Variants in SMO observed in about 807,000 individuals in gnomAD.
SMO encodes protein smoothened.
Under a neutral mutation model 81.6 loss-of-function variants are expected in SMO, and 40 were observed. The observed-to-expected ratio is 0.49, with a 90% CI of 0.38 to 0.64. SMO has a LOEUF of 0.64. SMO is among the 30% of genes least tolerant of loss of function. The probability of loss-of-function intolerance (pLI) is 0.00; values close to 1 mark genes in which losing one functional copy is unlikely to be tolerated. For synonymous variants in SMO, 434 were observed against 432.1 expected (o/e 1.00, Z -0.05); for missense variants, 916 against 1,061.1 (o/e 0.86, Z 1.90).
Position 129,208,615 on chromosome 7 carries a change from G to T in SMO, c.1265-144G>T. The T allele has an allele frequency of 3.3e-6, 2 of 604,314 alleles. No individual in the cohort carries two copies. The highest frequency in any genetic ancestry group is 6.1e-6 in the Non-Finnish European group (2 of 329,804). 37.4% of individuals were successfully genotyped at this position (604,314 alleles called of 1,614,324 possible). On this transcript the variant is annotated intron_variant, in intron 6 of 11. Transcript: ENST00000249373. The surrounding 1 kb of genome is among the most constrained non-coding windows in gnomAD (Gnocchi z 5.2). ...CTGGTCTTCTCACCATTTCTCCAGT[G>T]TCTCTAGCTCCCCAGGTTTTCATTT...
At position 129,206,523 on chromosome 7, in the gene SMO, T is replaced by C. The variant is rs1793768630; in HGVS notation, c.1200T>C (p.Arg400=). 1.2e-6 allele frequency: 2 copies of C among 1,614,146 alleles called. No individual in the cohort carries two copies. The highest frequency in any genetic ancestry group is 1.1e-5 in the South Asian group (1 of 91,082). ...CFVGYKNYRY[R]AGFVLAPIGL... ...TGGGCTACAAGAACTACCGATACCG[T>C]GCGGGCTTCGTGCTGGCCCCAATCG... is the stretch of plus-strand genomic sequence containing the variant. Residue 400 remains arginine (R), a synonymous_variant, in exon 6 of 12, where the codon CGT becomes CGC. Transcript: ENST00000249373. This position sits in a 1 kb window ranked among gnomAD's most constrained non-coding sequence, Gnocchi z 4.4.
In SMO at chr7:129,211,613, TTTCC is replaced by T. The variant is rs1216983046; in HGVS notation, c.1802-14_1802-11del. ...ACCGGGAAGTCACTATTCCTTCTCC[TTTCC>T]TTCCTTCCATTCCCACAGCGGGCTT... On this transcript the variant is annotated intron_variant, in intron 10 of 11. Transcript: ENST00000249373. The surrounding 1 kb of genome is among the most constrained non-coding windows in gnomAD (Gnocchi z 4.6). 1.2e-6 allele frequency: 2 copies of T among 1,610,434 alleles called. No homozygotes were observed. Among genetic ancestry groups the T allele is most frequent in the Admixed American group, 3.3e-5 (2 of 59,852 alleles).
rs1361748935 is a variant in SMO, at chr7:129,205,191, C to T, written c.538-12C>T. ...CTGCCTTGACACCGTCTTTTCCCAT[C>T]CCTGGTGCCAGAATGAGGTGCAGAA... On this transcript the variant is annotated splice_polypyrimidine_tract_variant and intron_variant, in intron 2 of 11. Transcript: ENST00000249373. 1.2e-6 allele frequency: 2 copies of T among 1,612,962 alleles called. No individual in the cohort carries two copies. Among genetic ancestry groups the T allele is most frequent in the Non-Finnish European group, 1.7e-6 (2 of 1,178,958 alleles).
intron 2 of SMO, 34 bp from the exon 3 acceptor site, chr7:129,205,169 C>T (rs2150647968): frequency 6.3e-7 from 1 of 1,593,124 alleles, no homozygotes. Context: ...CCCTGAGCTG[C>T]CTTGACACCG....
chr7:129,202,341 C>T (rs180957714), intron 1 of SMO, among the ~76,000 whole-genome samples: 29 of 152,248 alleles, frequency 1.9e-4, no homozygotes, highest in African/African-American at 5.8e-4. Flanking sequence ...TGCACATGCC[C>T]CTTACCTCTC....
chr7:129,208,964 G>A lies in SMO; in HGVS notation c.1357+113G>A. The A allele has an allele frequency of 1.3e-6, 1 of 745,194 alleles. No individual in the cohort carries two copies. The highest frequency in any genetic ancestry group is 2.3e-6 in the Non-Finnish European group (1 of 428,078). 46.2% of individuals were successfully genotyped at this position (745,194 alleles called of 1,614,324 possible). A position where few individuals can be genotyped will look rare whatever the true frequency, so the allele number is the denominator to read the frequency against. ...AAGTCAGTGGGACAAGTTAGCCATA[G>A]GGACAAGGACAAGGGGTGTGTGTAG... On this transcript the variant is annotated intron_variant, in intron 7 of 11. Coordinates refer to ENST00000249373, the MANE Select transcript of SMO (RefSeq NM_005631.5). The surrounding 1 kb of genome is among the most constrained non-coding windows in gnomAD (Gnocchi z 5.2).
chr7:129,201,666 T>C (rs1390810869), intron 1 of SMO, among the ~76,000 whole-genome samples: 1 of 151,966 alleles, frequency 6.6e-6, no homozygotes, highest in African/African-American at 2.4e-5. Flanking sequence ...GGTGACTGTT[T>C]TTGGGTTTTT....
At chr7:129,196,355 G>GTGTA (rs771891801) in intron 1 of SMO, among the ~76,000 whole-genome samples, 1 of 151,146 alleles carries the variant, frequency 6.6e-6, no homozygotes, top group Admixed American at 6.6e-5. Flanking sequence ...GTGTGTGTGT[G>GTGTA]TTTTAATAGA....
chr7:129,196,983 C>G lies in SMO; in HGVS notation c.332-6401C>G, dbSNP rs62480576. Among the ~76,000 whole-genome samples the G allele has an allele frequency of 5.7e-4, 79 of 137,724 alleles. 1 individual carries two copies. Among genetic ancestry groups the G allele is most frequent in the Non-Finnish European group, 3.3e-4 (22 of 65,888 alleles). The allele number at this position is 137,724 out of a possible 152,430, so 90.4% of individuals were successfully genotyped here. Reference sequence around the variant, plus strand: ...AATGAGCCCAGATTGTGCCACTGCACTCCAGCCTGGGCAATACAGTGAGAC... The same window carrying G: ...AATGAGCCCAGATTGTGCCACTGCAGTCCAGCCTGGGCAATACAGTGAGAC... On this transcript the variant is annotated intron_variant, in intron 1 of 11. Transcript: ENST00000249373.
At chr7:129,193,791 T>A (rs867638823) in intron 1 of SMO, among the ~76,000 whole-genome samples, 1,906 of 49,418 alleles carry the variant, frequency 0.039, 49 homozygotes, top group Non-Finnish European at 0.049. Context: ...AAAAAATATA[T>A]ATATATATAT....
rs1563150971 is a variant in SMO at position 129,209,350 on chromosome 7, C to G, written c.1419C>G (p.Asp473Glu). ...VLITFSCHFYDFFNQAEWERS... is the reference protein window; with the variant it reads ...VLITFSCHFYEFFNQAEWERS... ...TTACCTTCAGCTGCCACTTCTACGA[C>G]TTCTTCAACCAGGCTGAGTGGGAGC... is the stretch of plus-strand genomic sequence containing the variant. The change falls in exon 8 of 12, where the codon GAC becomes GAG. Residue 473 changes from aspartate to glutamate, a missense_variant. Physicochemically the swap from Asp to Glu is conservative, Grantham distance 45. Transcript: ENST00000249373. 6.2e-7 allele frequency: 1 copy of G among 1,614,124 alleles called. No homozygotes were observed. Among genetic ancestry groups the G allele is most frequent in the East Asian group, 2.2e-5 (1 of 44,876 alleles).
At chr7:129,203,702 A>G (rs1209699763) in intron 2 of SMO, 113 bp downstream of exon 2, 1 of 775,338 alleles carries the variant, frequency 1.3e-6, no homozygotes, top group Non-Finnish European at 2.0e-6. Context: ...GGAGACCCTG[A>G]GCCTACAGCC....
At chr7:129,191,706 C>T (rs1355190411) in intron 1 of SMO, among the ~76,000 whole-genome samples, 2 of 152,070 alleles carry the variant, frequency 1.3e-5, no homozygotes, top group African/African-American at 4.8e-5. Context: ...TGTTACCTGG[C>T]TCTTAGGGGT....
rs767361434 is a variant in SMO, at chr7:129,212,099, GGAA to G, written c.2021_2023del (p.Lys674del). The G allele has an allele frequency of 1.1e-5, 17 of 1,577,526 alleles. No homozygotes were observed. Among genetic ancestry groups the G allele is most frequent in the Middle Eastern group, 1.7e-4 (1 of 6,018 alleles). On this transcript the variant is annotated inframe_deletion, in exon 12 of 12. Coordinates refer to ENST00000249373, the MANE Select transcript of SMO (RefSeq NM_005631.5). This position sits in a 1 kb window ranked among gnomAD's most constrained non-coding sequence, Gnocchi z 5.0. ...CCAGAGCTGCAGAAGCGCCTGGGCC[GGAA>G]GAAGAAGAGGAGGAAGAGGAAGAAG...
intron 1 of SMO, among the ~76,000 whole-genome samples, chr7:129,194,132 A>G (rs1793531729): frequency 6.6e-6 from 1 of 151,960 alleles, no homozygotes; most frequent in Non-Finnish European, 1.5e-5. Context: ...ATATGTGTGT[A>G]TGTATACACA....
rs1368625672 is a variant in SMO at position 129,208,922 on chromosome 7, G to A, written c.1357+71G>A. The A allele has an allele frequency of 1.9e-6, 2 of 1,042,480 alleles. No individual in the cohort carries two copies. Among genetic ancestry groups the A allele is most frequent in the Non-Finnish European group, 1.5e-6 (1 of 677,976 alleles). 64.6% of individuals were successfully genotyped at this position (1,042,480 alleles called of 1,614,324 possible). A position where few individuals can be genotyped will look rare whatever the true frequency, so the allele number is the denominator to read the frequency against. ...ACACTGCACCCTCCTGGGGCTATGC[G>A]ACCGGCAGGATGCAGTAAGTCAGTG... On this transcript the variant is annotated intron_variant, in intron 7 of 11. Coordinates refer to ENST00000249373, the MANE Select transcript of SMO (RefSeq NM_005631.5). This position sits in a 1 kb window ranked among gnomAD's most constrained non-coding sequence, Gnocchi z 5.2.
At position 129,188,814 on chromosome 7, in the gene SMO, T is replaced by G. The variant is rs1584650849; in HGVS notation, c.-338T>G. 2.4e-5 allele frequency: 5 copies of G among 206,134 alleles called. No individual in the cohort carries two copies. The highest frequency in any genetic ancestry group is 2.9e-5 in the Non-Finnish European group (3 of 103,070). The allele number at this position is 206,134 out of a possible 1,614,324, so 12.8% of individuals were successfully genotyped here. A position where few individuals can be genotyped will look rare whatever the true frequency, so the allele number is the denominator to read the frequency against. Reference sequence around the variant, plus strand: ...TGGCCTCCCTCGCGGGGCGGGGAGGTGGCTTTAATGGTGGGAGAGGGAATG... The same window carrying G: ...TGGCCTCCCTCGCGGGGCGGGGAGGGGGCTTTAATGGTGGGAGAGGGAATG... On this transcript the variant is annotated 5_prime_UTR_variant, in exon 1 of 12. Coordinates refer to ENST00000249373, the MANE Select transcript of SMO (RefSeq NM_005631.5). This position sits in a 1 kb window ranked among gnomAD's most constrained non-coding sequence, Gnocchi z 4.9.
chr7:129,192,906 C>G (rs764800215), intron 1 of SMO, among the ~76,000 whole-genome samples: 9 of 152,110 alleles, frequency 5.9e-5, no homozygotes, highest in Non-Finnish European at 1.3e-4. Flanking sequence ...CTTCCTTGGC[C>G]CTGACTACTG....
Position 129,209,381 on chromosome 7 carries a change from T to C in SMO, c.1450T>C (p.Phe484Leu). The change falls in exon 8 of 12, where the codon TTC (phenylalanine) becomes CTC (leucine). Residue 484 changes from phenylalanine (F) to leucine (L), a missense_variant. By Grantham distance (22) the Phe-to-Leu change is conservative. Around this residue, in one of 4 missense-constraint regions of SMO, gnomAD observed 436 missense variants for 570.9 expected, o/e 0.76. Coordinates refer to ENST00000249373, the MANE Select transcript of SMO (RefSeq NM_005631.5). ...CAACCAGGCTGAGTGGGAGCGCAGC[T>C]TCCGGGACTATGTGCTGTGAGTGAG... ...FFNQAEWERS[F>L]RDYVLCQANV... 6.2e-7 allele frequency: 1 copy of C among 1,611,728 alleles called. No homozygotes were observed. The highest frequency in any genetic ancestry group is 8.5e-7 in the Non-Finnish European group (1 of 1,177,810).
Sources: gnomAD v4.1 joint callset for allele counts (sites outside exome capture counted in the v4.1 genomes callset) on GRCh38, gnomAD v4.1.1 for gene constraint, gnomAD v4.1.1 regional missense constraint, Gnocchi (gnomAD v3.1) non-coding constraint, MANE v1.5 for transcripts, NCBI Gene and HGNC (gene_info 2026-07-23, HGNC 2026-07-21) for gene names.